The following DAB2IP variants were observed in gnomAD, a reference collection of about 807,000 sequenced individuals.
The protein encoded by DAB2IP is DAB2 interacting protein, also known as disabled homolog 2-interacting protein.
In DAB2IP, 28 loss-of-function variants were observed where a neutral mutation model predicts 107.2. The ratio of observed to expected loss-of-function variants is 0.26; its 90% CI spans 0.19 to 0.36. DAB2IP has a LOEUF of 0.36. Ranked by LOEUF, DAB2IP falls within the 10% of genes least tolerant of loss-of-function variation. DAB2IP has a pLI of 1.00. For synonymous variants in DAB2IP, 755 were observed against 706.4 expected (o/e 1.07, Z -1.09); for missense variants, 1,400 against 1,644.7 (o/e 0.85, Z 2.57).
intron 3 of DAB2IP, among the ~76,000 whole-genome samples, chr9:121,739,826 G>A (rs1306329794): frequency 1.3e-5 from 2 of 152,140 alleles, no homozygotes; most frequent in Non-Finnish European, 2.9e-5. Context: ...GGAGTGGAAA[G>A]AATCACCAAA....
intron 3 of DAB2IP, among the ~76,000 whole-genome samples, chr9:121,704,213 A>G (rs1207304479): frequency 6.6e-6 from 1 of 152,222 alleles, no homozygotes; most frequent in African/African-American, 2.4e-5. Flanking sequence ...GTCTAAAAAT[A>G]TGAAGAGTTT....
chr9:121,769,500 C>T (rs1834540132), intron 10 of DAB2IP, among the ~76,000 whole-genome samples: 1 of 152,222 alleles, frequency 6.6e-6, no homozygotes, highest in Non-Finnish European at 1.5e-5. Flanking sequence ...GCAATCTCCA[C>T]CACCCCCAGG....
chr9:121,592,219 A>T (rs546897950), intron 1 of DAB2IP, among the ~76,000 whole-genome samples: 1 of 152,268 alleles, frequency 6.6e-6, no homozygotes, highest in South Asian at 2.1e-4. Flanking sequence ...TACAAAAATT[A>T]TCTGGGCATG....
In DAB2IP at chr9:121,641,992, C is replaced by T. The variant is rs1256287728; in HGVS notation, c.41-36686C>T. Among the ~76,000 whole-genome samples the T allele has an allele frequency of 1.3e-3, 37 of 29,310 alleles. 1 individual carries two copies. Among genetic ancestry groups the T allele is most frequent in the Non-Finnish European group, 1.8e-3 (31 of 17,714 alleles). The allele number at this position is 29,310 out of a possible 152,430, so 19.2% of individuals were successfully genotyped here. Reference sequence around the variant, plus strand: ...TCTCTCTTTCTTTCTTTCTTTCTTTCCTTTCTCTCTCTCTCTCTCTCTCTC... The same window carrying T: ...TCTCTCTTTCTTTCTTTCTTTCTTTTCTTTCTCTCTCTCTCTCTCTCTCTC... On this transcript the variant is annotated intron_variant, in intron 1 of 16. Coordinates refer to the DAB2IP transcript ENST00000259371.
chr9:121,746,133 A>G (rs1438653911), intron 3 of DAB2IP, among the ~76,000 whole-genome samples: 1 of 152,136 alleles, frequency 6.6e-6, no homozygotes, highest in East Asian at 1.9e-4. Flanking sequence ...CAGATCTTGG[A>G]AATGTCCTGG....
Position 121,585,377 on chromosome 9 carries a change from A to G in DAB2IP, c.40+18149A>G, listed in dbSNP as rs115614480. On this transcript the variant is annotated intron_variant, in intron 1 of 16. Coordinates refer to the DAB2IP transcript ENST00000259371. ...GCAAGTTTCTTAACCTCTCTGCCTC[A>G]GTTTTCTCATCTGCAAAATGAGGAT... Among the ~76,000 whole-genome samples the G allele has an allele frequency of 4.8e-3, 733 of 152,284 alleles. 11 individuals carry two copies. Among genetic ancestry groups the G allele is most frequent in the African/African-American group, 0.017 (702 of 41,546 alleles).
chr9:121,606,218 G>T (rs1830866089), intron 1 of DAB2IP, among the ~76,000 whole-genome samples: 1 of 152,036 alleles, frequency 6.6e-6, no homozygotes, highest in Non-Finnish European at 1.5e-5. Flanking sequence ...AAAGAAATTA[G>T]CCAGGTGTGG....
At chr9:121,692,462 T>C (rs1006658396) in intron 2 of DAB2IP, among the ~76,000 whole-genome samples, 7 of 152,184 alleles carry the variant, frequency 4.6e-5, no homozygotes, top group African/African-American at 9.7e-5. Flanking sequence ...TATGAGAACA[T>C]GTTTAAGTGT....
At chr9:121,703,562 A>G (rs564311338) in intron 3 of DAB2IP, among the ~76,000 whole-genome samples, 2 of 152,372 alleles carry the variant, frequency 1.3e-5, no homozygotes, top group East Asian at 3.9e-4. Context: ...CAGAATGGGC[A>G]TCATGATAAT....
At chr9:121,674,366 C>A (rs1030076330) in intron 1 of DAB2IP, among the ~76,000 whole-genome samples, 3 of 152,184 alleles carry the variant, frequency 2.0e-5, no homozygotes, top group Non-Finnish European at 4.4e-5. Context: ...ACAGGAGATA[C>A]CTGGGAAGGT....
At chr9:121,747,988 G>A (rs1281194414) in intron 3 of DAB2IP, among the ~76,000 whole-genome samples, 1 of 152,160 alleles carries the variant, frequency 6.6e-6, no homozygotes, top group Non-Finnish European at 1.5e-5. Flanking sequence ...TCTCATTCAG[G>A]AGCCAGTACC....
At chr9:121,677,299 G>A (rs185960562) in intron 1 of DAB2IP, among the ~76,000 whole-genome samples, 30 of 152,290 alleles carry the variant, frequency 2.0e-4, no homozygotes, top group Non-Finnish European at 3.4e-4. Flanking sequence ...TGGGAGGATC[G>A]CTTGAGGCCA....
At chr9:121,613,992 G>A (rs984945337) in intron 1 of DAB2IP, among the ~76,000 whole-genome samples, 20 of 152,198 alleles carry the variant, frequency 1.3e-4, no homozygotes, top group African/African-American at 3.9e-4. Context: ...ATTGGATAAA[G>A]ACATGGGGTT....
At position 121,736,911 on chromosome 9, in the gene DAB2IP, A is replaced by C. The variant is rs1270956036; in HGVS notation, c.363-20102A>C. ...AGACAGAAACAAACAAGATGACTTCAGGGTAGTTCTGTGGAGAAAATGAAG... is the reference window on the plus strand; with the variant it reads ...AGACAGAAACAAACAAGATGACTTCCGGGTAGTTCTGTGGAGAAAATGAAG... On this transcript the variant is annotated intron_variant, in intron 3 of 15. Transcript: ENST00000408936. This position sits in a 1 kb window ranked among gnomAD's most constrained non-coding sequence, Gnocchi z 4.6. 6.6e-6 allele frequency among the ~76,000 whole-genome samples: 1 copy of C among 152,202 alleles called. No individual in the cohort carries two copies. The highest frequency in any genetic ancestry group is 2.4e-5 in the African/African-American group (1 of 41,450).
In DAB2IP at chr9:121,651,723, T is replaced by A; in HGVS notation, c.-53T>A. The A allele has an allele frequency of 8.4e-7, 1 of 1,192,566 alleles. No individual in the cohort carries two copies. Among genetic ancestry groups the A allele is most frequent in the East Asian group, 3.7e-5 (1 of 27,262 alleles). 73.9% of individuals were successfully genotyped at this position (1,192,566 alleles called of 1,614,324 possible). A position where few individuals can be genotyped will look rare whatever the true frequency, so the allele number is the denominator to read the frequency against. On this transcript the variant is annotated 5_prime_UTR_variant, in exon 1 of 16. An upstream start codon of the reference 5' UTR is lost. Transcript: ENST00000408936. The surrounding 1 kb of genome is among the most constrained non-coding windows in gnomAD (Gnocchi z 5.1). ...CCGCCGGGCTGTCCGGAGCGGCCGA[T>A]GGGGCCCGTGTGAGCGCGCCCAGGC...
chr9:121,723,310 C>T (rs1831047202), intron 3 of DAB2IP, among the ~76,000 whole-genome samples: 1 of 148,650 alleles, frequency 6.7e-6, no homozygotes, highest in South Asian at 2.1e-4. Flanking sequence ...CCAAGGGATC[C>T]TCGGGATTGA....
In DAB2IP at chr9:121,699,148, C is replaced by T. The variant is rs1372267901; in HGVS notation, c.229-177C>T. Among the ~76,000 whole-genome samples, 10 of 144,764 alleles carry T rather than the reference C, an allele frequency of 6.9e-5. No homozygotes were observed. Among genetic ancestry groups the T allele is most frequent in the African/African-American group, 2.5e-4 (10 of 40,082 alleles). 95.0% of individuals were successfully genotyped at this position (144,764 alleles called of 152,430 possible). A position where few individuals can be genotyped will look rare whatever the true frequency, so the allele number is the denominator to read the frequency against. ...GGCCGCGCTGCGCGGGCCGGGCCGT[C>T]GGCGCTCGGTCGGCGGGCGGGCGGC... On this transcript the variant is annotated intron_variant, in intron 2 of 15. Coordinates refer to ENST00000408936, the Ensembl canonical transcript of DAB2IP. This position sits in a 1 kb window ranked among gnomAD's most constrained non-coding sequence, Gnocchi z 6.2.
chr9:121,600,421 C>T (rs951474759), intron 1 of DAB2IP, among the ~76,000 whole-genome samples: 4 of 152,150 alleles, frequency 2.6e-5, no homozygotes, highest in East Asian at 3.9e-4. Context: ...CAGGGACCAA[C>T]GCCACCTGCT....
intron 2 of DAB2IP, among the ~76,000 whole-genome samples, chr9:121,686,909 C>T (rs1222787174): frequency 6.6e-5 from 10 of 152,234 alleles, no homozygotes; most frequent in African/African-American, 2.4e-4. Flanking sequence ...TCACCCCTGA[C>T]TGAACTTCTA....
Sources: gnomAD v4.1 joint callset for allele counts (sites outside exome capture counted in the v4.1 genomes callset) on GRCh38, gnomAD v4.1.1 for gene constraint, Gnocchi (gnomAD v3.1) non-coding constraint, MANE v1.5 for transcripts, NCBI Gene and HGNC (gene_info 2026-07-23, HGNC 2026-07-21) for gene names.